CFL2: variants seen among roughly 807,000 people sequenced by gnomAD.
CFL2 encodes cofilin-2.
Under a neutral mutation model 19.6 loss-of-function variants are expected in CFL2, and 10 were observed. The observed-to-expected ratio is 0.51, with a 90% CI of 0.31 to 0.86. The LOEUF (loss-of-function observed/expected upper bound fraction) is 0.86. Among genes scored for constraint, CFL2 ranks in the 40% least tolerant of loss-of-function variants. CFL2 has a pLI of 0.04. For missense variants in CFL2, 125 were observed against 192.1 expected, an observed-to-expected ratio of 0.65 and a Z score of 2.06; for synonymous variants, 63 against 66.7, an observed-to-expected ratio of 0.95 and a Z score of 0.27.
Position 34,712,144 on chromosome 14 carries a change from G to C in CFL2, c.*721C>G, listed in dbSNP as rs1885320739. 1 of 454,348 alleles carries C rather than the reference G, an allele frequency of 2.2e-6. No individual in the cohort carries two copies. Among genetic ancestry groups the C allele is most frequent in the Non-Finnish European group, 4.4e-6 (1 of 226,786 alleles). 28.1% of individuals were successfully genotyped at this position (454,348 alleles called of 1,614,324 possible). A position where few individuals can be genotyped will look rare whatever the true frequency, so the allele number is the denominator to read the frequency against. On this transcript the variant is annotated 3_prime_UTR_variant, in exon 4 of 4. Coordinates refer to ENST00000298159, the MANE Select transcript of CFL2 (RefSeq NM_138638.5). Reference sequence around the variant, plus strand: ...ATGACTGATATTCAAAATATCTTTAGTGTTGCAGGACTCACATGGTAAACA... The same window carrying C: ...ATGACTGATATTCAAAATATCTTTACTGTTGCAGGACTCACATGGTAAACA...
In CFL2 at chr14:34,712,927, A is replaced by C. The variant is rs1594784328; in HGVS notation, c.439T>G (p.Ser147Ala). 1 of 1,612,292 alleles carries C rather than the reference A, an allele frequency of 6.2e-7. No individual in the cohort carries two copies. The highest frequency in any genetic ancestry group is 1.1e-5 in the South Asian group (1 of 91,040). The change falls in exon 4 of 4, where the codon TCG becomes GCG. Residue 147 changes from serine (S) to alanine (A), a missense_variant. Ser to Ala is a moderately conservative substitution (Grantham distance 99). Transcript: ENST00000298159. ...VNGLDDIKDR[S>A]TLGEKLGGNV... Reference sequence around the variant, plus strand: ...CCTCCCAATTTCTCTCCAAGTGTCGAACGGTCCTTAATATCATCCAAGCCA... The same window carrying C: ...CCTCCCAATTTCTCTCCAAGTGTCGCACGGTCCTTAATATCATCCAAGCCA...
chr14:34,713,778 G>C, intron 1 of CFL2: 1 of 1,610,264 alleles, frequency 6.2e-7, no homozygotes, highest in East Asian at 2.2e-5. Flanking sequence ...AAGGGGTTTG[G>C]ACGTGGAAGC....
chr14:34,711,369 C>A lies in CFL2; in HGVS notation c.*1496G>T, dbSNP rs1455800615. On this transcript the variant is annotated 3_prime_UTR_variant, in exon 4 of 4. Coordinates refer to ENST00000298159, the MANE Select transcript of CFL2 (RefSeq NM_138638.5). ...AAAAGCATGTGTTTGCCATAAATAGCCCTGGCTAACAGCAAACCGCTCACA... is the reference window on the plus strand; with the variant it reads ...AAAAGCATGTGTTTGCCATAAATAGACCTGGCTAACAGCAAACCGCTCACA... The A allele has an allele frequency of 2.2e-6, 1 of 454,358 alleles. No homozygotes were observed. The highest frequency in any genetic ancestry group is 2.4e-5 in the Admixed American group (1 of 42,538). The allele number at this position is 454,358 out of a possible 1,614,324, so 28.1% of individuals were successfully genotyped here.
Position 34,711,174 on chromosome 14 carries a change from CA to C in CFL2, c.*1690del. 6.6e-6 allele frequency: 3 copies of C among 453,724 alleles called. No homozygotes were observed. The highest frequency in any genetic ancestry group is 6.9e-5 in the East Asian group (1 of 14,398). The allele number at this position is 453,724 out of a possible 1,614,324, so 28.1% of individuals were successfully genotyped here. On this transcript the variant is annotated 3_prime_UTR_variant, in exon 4 of 4. Transcript: ENST00000298159. The stretch of plus-strand genomic sequence containing the variant: ...TATACTAAAATTACTTCCACACATT[CA>C]AAAAAAATTTTTAAGGGATATTTTC...
chr14:34,713,619 A>G, intron 1 of CFL2, 58 bp from the exon 2 acceptor site: 1 of 1,613,904 alleles, frequency 6.2e-7, no homozygotes, highest in South Asian at 1.1e-5. Flanking sequence ...AACCAAAATT[A>G]CTGTTTGCCT....
chr14:34,714,326 G>C, intron 1 of CFL2: 13 of 650,246 alleles, frequency 2.0e-5, no homozygotes, highest in East Asian at 4.0e-5. Flanking sequence ...GCCGACGCCC[G>C]GGCCCTCCCC....
rs548024416 is a variant in CFL2 at position 34,712,271 on chromosome 14, A to G, written c.*594T>C. 1 of 454,590 alleles carries G rather than the reference A, an allele frequency of 2.2e-6. No homozygotes were observed. The highest frequency in any genetic ancestry group is 6.9e-5 in the East Asian group (1 of 14,404). The allele number at this position is 454,590 out of a possible 1,614,324, so 28.2% of individuals were successfully genotyped here. The stretch of plus-strand genomic sequence containing the variant: ...GAAGATATGCAGGTAACAGGAATGA[A>G]CACTGAGGTACTAGGATAAGTTGAT... On this transcript the variant is annotated 3_prime_UTR_variant, in exon 4 of 4. Transcript: ENST00000298159.
rs1284061475 is a variant in CFL2, at chr14:34,711,187, T to A, written c.*1678A>T. On this transcript the variant is annotated 3_prime_UTR_variant, in exon 4 of 4. Coordinates refer to ENST00000298159, the MANE Select transcript of CFL2 (RefSeq NM_138638.5). ...CTTCCACACATTCAAAAAAAATTTT[T>A]AAGGGATATTTTCTTTCCTGTTTTC... is the stretch of plus-strand genomic sequence containing the variant. The A allele has an allele frequency of 2.2e-6, 1 of 454,146 alleles. No homozygotes were observed. Among genetic ancestry groups the A allele is most frequent in the South Asian group, 1.6e-5 (1 of 64,380 alleles). The allele number at this position is 454,146 out of a possible 1,614,324, so 28.1% of individuals were successfully genotyped here.
chr14:34,713,816 C>T, intron 1 of CFL2: 1 of 1,578,016 alleles, frequency 6.3e-7, no homozygotes, highest in Non-Finnish European at 8.6e-7. Flanking sequence ...GTTGTCCCAT[C>T]CCTGAAATGT....
At chr14:34,713,183 A>C (rs992200941) in intron 2 of CFL2, 47 bp from the exon 3 acceptor site, 3 of 1,566,798 alleles carry the variant, frequency 1.9e-6, no homozygotes, top group Non-Finnish European at 2.6e-6. Context: ...AAGAAAAACA[A>C]AGGTAAGACT....
rs1259715756 is a variant in CFL2 at position 34,711,284 on chromosome 14, T to G, written c.*1581A>C. On this transcript the variant is annotated 3_prime_UTR_variant, in exon 4 of 4. Coordinates refer to ENST00000298159, the MANE Select transcript of CFL2 (RefSeq NM_138638.5). ...ACTGACTGCTTACTAGCATGCCTGT[T>G]TTGCATACCAGTAGAATCAAGTCCA... 2.2e-6 allele frequency: 1 copy of G among 454,424 alleles called. No individual in the cohort carries two copies. Among genetic ancestry groups the G allele is most frequent in the Middle Eastern group, 6.8e-4 (1 of 1,466 alleles). 28.1% of individuals were successfully genotyped at this position (454,424 alleles called of 1,614,324 possible). A position where few individuals can be genotyped will look rare whatever the true frequency, so the allele number is the denominator to read the frequency against.
Position 34,712,725 on chromosome 14 carries a change from T to C in CFL2, c.*140A>G, listed in dbSNP as rs750236103. 2 of 713,630 alleles carry C rather than the reference T, an allele frequency of 2.8e-6. No individual in the cohort carries two copies. Among genetic ancestry groups the C allele is most frequent in the South Asian group, 3.0e-5 (2 of 67,664 alleles). 44.2% of individuals were successfully genotyped at this position (713,630 alleles called of 1,614,324 possible). On this transcript the variant is annotated 3_prime_UTR_variant, in exon 4 of 4. Coordinates refer to ENST00000298159, the MANE Select transcript of CFL2 (RefSeq NM_138638.5). ...ACTGATAGGCTGCTTAAATAAATGA[T>C]ATTTCCTTCATTCATTGTGTTGGAA...
rs180733937 is a variant in CFL2 at position 34,714,286 on chromosome 14, C to T, written c.3+252G>A. On this transcript the variant is annotated intron_variant, in intron 1 of 3. Coordinates refer to ENST00000298159, the MANE Select transcript of CFL2 (RefSeq NM_138638.5). Reference sequence around the variant, plus strand: ...GCAGTCCGCAGACCCTCTCGCGCCCCCGCCCGCCCGGCCCCGACCCCCAAC... The same window carrying T: ...GCAGTCCGCAGACCCTCTCGCGCCCTCGCCCGCCCGGCCCCGACCCCCAAC... The T allele has an allele frequency of 7.9e-6, 4 of 505,684 alleles. No individual in the cohort carries two copies. In the East Asian group the frequency reaches 1.1e-4, roughly 14 times the overall value. The allele number at this position is 505,684 out of a possible 1,614,324, so 31.3% of individuals were successfully genotyped here.
rs1277585652 is a variant in CFL2 at position 34,713,227 on chromosome 14, G to A, written c.311+27C>T. The A allele has an allele frequency of 2.5e-6, 4 of 1,598,876 alleles. No individual in the cohort carries two copies. In the Admixed American group the frequency reaches 5.1e-5, roughly 20 times the overall value. On this transcript the variant is annotated intron_variant, in intron 2 of 3. Coordinates refer to ENST00000298159, the MANE Select transcript of CFL2 (RefSeq NM_138638.5). ...TAATAATAATCCTTGCATTTTAAAA[G>A]TACTTTTTTCTTTTGTTTTTACACA...
Position 34,712,742 on chromosome 14 carries a change from G to T in CFL2, c.*123C>A. On this transcript the variant is annotated 3_prime_UTR_variant, in exon 4 of 4. Transcript: ENST00000298159. ...ATAAATGATATTTCCTTCATTCATTGTGTTGGAAGGGCCCAGTGGAAAGGG... is the reference window on the plus strand; with the variant it reads ...ATAAATGATATTTCCTTCATTCATTTTGTTGGAAGGGCCCAGTGGAAAGGG... 1.4e-6 allele frequency: 1 copy of T among 730,230 alleles called. No individual in the cohort carries two copies. Among genetic ancestry groups the T allele is most frequent in the East Asian group, 2.6e-5 (1 of 38,190 alleles). The allele number at this position is 730,230 out of a possible 1,614,324, so 45.2% of individuals were successfully genotyped here. A position where few individuals can be genotyped will look rare whatever the true frequency, so the allele number is the denominator to read the frequency against.
At chr14:34,713,594 A>G (rs779212509) in intron 1 of CFL2, 33 bp from the exon 2 acceptor site, 30 of 1,613,780 alleles carry the variant, frequency 1.9e-5, no homozygotes, top group Non-Finnish European at 2.4e-5. Context: ...AATTCAGAAC[A>G]CGTATTTTGG....
chr14:34,713,006 TTTA>T, intron 3 of CFL2, 29 bp from the exon 4 acceptor site: 1 of 1,548,324 alleles, frequency 6.5e-7, no homozygotes, highest in South Asian at 1.2e-5. Flanking sequence ...ATCCTATTAC[TTTA>T]TTATAATTAA....
rs987740517 is a variant in CFL2 at position 34,711,571 on chromosome 14, G to A, written c.*1294C>T. On this transcript the variant is annotated 3_prime_UTR_variant, in exon 4 of 4. Transcript: ENST00000298159. ...CAGAAGTATCATTAAACTTTTAAAG[G>A]ACATTTTACAAATTATTTTCATTAC... 4.4e-6 allele frequency: 2 copies of A among 449,654 alleles called. No homozygotes were observed. Among genetic ancestry groups the A allele is most frequent in the Admixed American group, 2.4e-5 (1 of 42,004 alleles). The allele number at this position is 449,654 out of a possible 1,614,324, so 27.9% of individuals were successfully genotyped here. A position where few individuals can be genotyped will look rare whatever the true frequency, so the allele number is the denominator to read the frequency against.
rs1885239359 is a variant in CFL2 at position 34,710,322 on chromosome 14, A to T, written c.*2543T>A. 4.4e-6 allele frequency: 1 copy of T among 226,334 alleles called. No homozygotes were observed. The highest frequency in any genetic ancestry group is 5.4e-5 in the Admixed American group (1 of 18,688). The allele number at this position is 226,334 out of a possible 1,614,324, so 14.0% of individuals were successfully genotyped here. A position where few individuals can be genotyped will look rare whatever the true frequency, so the allele number is the denominator to read the frequency against. ...AAGAAAATTGTTATTGATAAATGAG[A>T]AAGTATTACCAACTAAAATCCTGAA... On this transcript the variant is annotated 3_prime_UTR_variant, in exon 4 of 4. Coordinates refer to ENST00000298159, the MANE Select transcript of CFL2 (RefSeq NM_138638.5).
Sources: gnomAD v4.1 joint callset for allele counts on GRCh38, gnomAD v4.1.1 for gene constraint, MANE v1.5 for transcripts, NCBI Gene and HGNC (gene_info 2026-07-23, HGNC 2026-07-21) for gene names.